Variants in VWC2L observed in about 807,000 individuals in gnomAD.
VWC2L encodes the protein von Willebrand factor C domain containing 2 like, also known as von Willebrand factor C domain-containing protein 2-like.
VWC2L carries 10 observed loss-of-function variants against 21.6 expected under a neutral mutation model. That is an observed-to-expected ratio of 0.46 (90% CI 0.29 to 0.78). The LOEUF (loss-of-function observed/expected upper bound fraction) is 0.78. Among genes scored for constraint, VWC2L ranks in the 30% least tolerant of loss-of-function variants. The pLI, the probability that VWC2L is intolerant of heterozygous loss-of-function variation, is 0.10. For missense variants in VWC2L, 209 were observed against 277.1 expected (o/e 0.75, Z 1.74); for synonymous variants, 96 against 94.3 (o/e 1.02, Z -0.10).
chr2:214,414,339 G>A lies in VWC2L; in HGVS notation c.146G>A (p.Arg49Gln), dbSNP rs775492537. Residue 49 changes from arginine (R) to glutamine (Q), a missense_variant, in exon 2 of 4, where the codon CGA (arginine) becomes CAA (glutamine). Transcript: ENST00000312504. ...GACAATCTGATCTTTGATGACTATC[G>A]AGGGAAAGGGTGTGTCGATGACAGC... ...SNDNLIFDDY[R>Q]GKGCVDDSGF... 8.7e-6 allele frequency: 14 copies of A among 1,613,694 alleles called. No homozygotes were observed. Among genetic ancestry groups the A allele is most frequent in the Middle Eastern group, 1.6e-4 (1 of 6,084 alleles).
At chr2:214,524,194 AC>A (rs1406160014) in intron 3 of VWC2L, among the ~76,000 whole-genome samples, 2 of 152,154 alleles carry the variant, frequency 1.3e-5, no homozygotes, top group East Asian at 3.9e-4. Flanking sequence ...CACGTGACAA[AC>A]TTTTACCCCT....
At chr2:214,513,781 A>T (rs777305488) in intron 3 of VWC2L, among the ~76,000 whole-genome samples, 4 of 152,110 alleles carry the variant, frequency 2.6e-5, no homozygotes, top group African/African-American at 4.8e-5. Context: ...ACAAGGCAAG[A>T]GTGTCCTCTT....
chr2:214,515,860 C>T (rs1266456827), intron 3 of VWC2L, among the ~76,000 whole-genome samples: 1 of 152,142 alleles, frequency 6.6e-6, no homozygotes, highest in East Asian at 1.9e-4. Flanking sequence ...TTACAGTGAG[C>T]CACCGTGCCC....
At chr2:214,511,919 T>TACATACAC (rs1445552139) in intron 3 of VWC2L, among the ~76,000 whole-genome samples, 2 of 145,366 alleles carry the variant, frequency 1.4e-5, no homozygotes, top group Non-Finnish European at 3.0e-5. Flanking sequence ...TATATACATA[T>TACATACAC]ACACACACAC....
At chr2:214,516,856 A>C (rs1689152363) in intron 3 of VWC2L, among the ~76,000 whole-genome samples, 1 of 152,198 alleles carries the variant, frequency 6.6e-6, no homozygotes, top group African/African-American at 2.4e-5. Flanking sequence ...TCTAAGCCTC[A>C]CTTTCCTCAT....
chr2:214,434,682 A>G (rs1230499558), intron 2 of VWC2L, among the ~76,000 whole-genome samples: 1 of 152,242 alleles, frequency 6.6e-6, no homozygotes, highest in East Asian at 1.9e-4. Flanking sequence ...AAACTAAGTA[A>G]GTAGATATAG....
At chr2:214,482,656 T>C (rs1306525671) in intron 3 of VWC2L, among the ~76,000 whole-genome samples, 1 of 148,340 alleles carries the variant, frequency 6.7e-6, no homozygotes, top group Non-Finnish European at 1.5e-5. Context: ...TAAATATATA[T>C]ATATATATTT....
chr2:214,472,269 T>C (rs1206497155), intron 3 of VWC2L: 1 of 152,096 alleles, frequency 6.6e-6, no homozygotes, highest in Non-Finnish European at 1.5e-5. Flanking sequence ...GAGATAGATA[T>C]CATTAGAGTC....
chr2:214,481,463 A>G (rs769854189), intron 3 of VWC2L, among the ~76,000 whole-genome samples: 12 of 152,204 alleles, frequency 7.9e-5, no homozygotes, highest in Non-Finnish European at 1.5e-4. Flanking sequence ...TGAGCTCTTT[A>G]GGTCTGAGCT....
intron 3 of VWC2L, among the ~76,000 whole-genome samples, chr2:214,493,819 GT>G (rs1242872400): frequency 6.6e-6 from 1 of 152,158 alleles, no homozygotes; most frequent in Non-Finnish European, 1.5e-5. Flanking sequence ...TGACAAAGAG[GT>G]TATTGACAAA....
intron 3 of VWC2L, among the ~76,000 whole-genome samples, chr2:214,568,715 G>A (rs755802097): frequency 1.3e-5 from 2 of 152,168 alleles, no homozygotes; most frequent in African/African-American, 2.4e-5. Flanking sequence ...TTCACAACAG[G>A]TGATTATGTT....
In VWC2L at chr2:214,539,813, T is replaced by C. The variant is rs150040898; in HGVS notation, c.521-35859T>C. Among the ~76,000 whole-genome samples, 68 of 152,276 alleles carry C rather than the reference T, an allele frequency of 4.5e-4. 3 individuals carry two copies. In the East Asian group the frequency reaches 9.8e-3, roughly 22 times the overall value. On this transcript the variant is annotated intron_variant, in intron 3 of 3. Coordinates refer to ENST00000312504, the MANE Select transcript of VWC2L (RefSeq NM_001080500.4). ...AGCATCACTGATACTGGAAAATACATTGTATTAAACAAATTAAAGCAGTTT... is the reference window on the plus strand; with the variant it reads ...AGCATCACTGATACTGGAAAATACACTGTATTAAACAAATTAAAGCAGTTT...
chr2:214,453,923 G>T (rs2126185822), intron 3 of VWC2L, among the ~76,000 whole-genome samples: 1 of 151,962 alleles, frequency 6.6e-6, no homozygotes, highest in African/African-American at 2.4e-5. Context: ...GTTTCACTTT[G>T]TTGCCCAGGC....
chr2:214,536,684 GAAGA>G (rs1325947523), intron 3 of VWC2L: 1 of 151,862 alleles, frequency 6.6e-6, no homozygotes, highest in African/African-American at 2.4e-5. Flanking sequence ...CACTTCCTAT[GAAGA>G]AAGTTTTCTA....
chr2:214,426,834 A>G (rs915770670), intron 2 of VWC2L, among the ~76,000 whole-genome samples: 11 of 152,344 alleles, frequency 7.2e-5, no homozygotes, highest in Middle Eastern at 3.4e-3. Context: ...GTTCAATTAT[A>G]AGTCTATTTC....
intron 3 of VWC2L, among the ~76,000 whole-genome samples, chr2:214,505,792 A>G (rs1688959023): frequency 2.0e-5 from 3 of 152,218 alleles, no homozygotes; most frequent in Non-Finnish European, 2.9e-5. Context: ...GTGGGAAGAA[A>G]AGGACAGATA....
intron 3 of VWC2L, among the ~76,000 whole-genome samples, chr2:214,502,910 C>T (rs1377437937): frequency 1.3e-5 from 2 of 152,128 alleles, no homozygotes; most frequent in Non-Finnish European, 2.9e-5. Flanking sequence ...TTGGTATTAC[C>T]ATAACGTCAC....
intron 3 of VWC2L, among the ~76,000 whole-genome samples, chr2:214,566,475 G>T (rs1000955752): frequency 6.6e-5 from 10 of 152,140 alleles, no homozygotes; most frequent in Admixed American, 5.9e-4. Flanking sequence ...AATTTGTGTG[G>T]GAGTTCAGCA....
At position 214,414,264 on chromosome 2, in the gene VWC2L, T is replaced by C. The variant is rs1702321267; in HGVS notation, c.71T>C (p.Ile24Thr). Reference protein sequence around the residue: ...VIPGLVTSAAISHEDYPADEG... With the variant: ...VIPGLVTSAATSHEDYPADEG... ...CCTGGATTGGTCACCTCTGCTGCTA[T>C]CAGTCATGAAGACTATCCTGCTGAT... The change falls in exon 2 of 4, where the codon ATC becomes ACC. Residue 24 changes from isoleucine (I) to threonine (T), a missense_variant. Transcript: ENST00000312504. 3.1e-6 allele frequency: 5 copies of C among 1,613,890 alleles called. No homozygotes were observed. Among genetic ancestry groups the C allele is most frequent in the Non-Finnish European group, 4.2e-6 (5 of 1,179,822 alleles).
Sources: allele counts gnomAD v4.1 joint callset (sites outside exome capture counted in the v4.1 genomes callset), GRCh38; gene constraint gnomAD v4.1.1; transcripts MANE v1.5; gene names NCBI Gene and HGNC (gene_info 2026-07-23, HGNC 2026-07-21).